The following DPYD variants were observed in gnomAD, a reference collection of about 807,000 sequenced individuals.
The protein encoded by DPYD is dihydropyrimidine dehydrogenase [NADP(+)].
In DPYD, 109 loss-of-function variants were observed where a neutral mutation model predicts 116.2. That is an observed-to-expected ratio of 0.94 (90% confidence interval 0.80 to 1.10). DPYD has a LOEUF of 1.10. Ranked by LOEUF, DPYD falls within the 50% of genes least tolerant of loss-of-function variation. DPYD has a pLI of 0.00. For synonymous variants in DPYD, 440 were observed against 432.0 expected, an observed-to-expected ratio of 1.02 and a Z score of -0.23; for missense variants, 1,302 against 1,254.5, an observed-to-expected ratio of 1.04 and a Z score of -0.57.
chr1:97,408,542 CT>C (rs1208883928), intron 14 of DPYD, among the ~76,000 whole-genome samples: 1 of 152,000 alleles, frequency 6.6e-6, no homozygotes, highest in African/African-American at 2.4e-5. Flanking sequence ...TTATTATTGT[CT>C]TTATTTGGAG....
At position 97,545,979 on chromosome 1, in the gene DPYD, G is replaced by A. The variant is rs975581358; in HGVS notation, c.1524+3581C>T. ...CTTCCTTGAAGATGAAAAATATGAA[G>A]AGGTTATGGCTGTCCTTGGGAGTTT... is the stretch of plus-strand genomic sequence containing the variant. On this transcript the variant is annotated intron_variant, in intron 12 of 22. Transcript: ENST00000370192. 8 of 1,314,418 alleles carry A rather than the reference G, an allele frequency of 6.1e-6. No homozygotes were observed. In the African/African-American group the frequency reaches 1.2e-4, roughly 19 times the overall value. The allele number at this position is 1,314,418 out of a possible 1,614,324, so 81.4% of individuals were successfully genotyped here. A position where few individuals can be genotyped will look rare whatever the true frequency, so the allele number is the denominator to read the frequency against.
intron 16 of DPYD, among the ~76,000 whole-genome samples, chr1:97,309,215 TGTCTAATACACAAAAAC>T (rs1264291105): frequency 6.6e-6 from 1 of 151,796 alleles, no homozygotes; most frequent in Non-Finnish European, 1.5e-5. Context: ...ATCTTAAAAA[TGTCTAATACACAAAAAC>T]GTCTACGTAG....
chr1:97,264,963 T>G (rs1275878797), intron 18 of DPYD, among the ~76,000 whole-genome samples: 1 of 151,532 alleles, frequency 6.6e-6, no homozygotes, highest in Non-Finnish European at 1.5e-5. Context: ...AAGACAAAAC[T>G]TTATAGTTTT....
At chr1:97,395,981 G>A (rs1002934419) in intron 14 of DPYD, among the ~76,000 whole-genome samples, 3 of 152,026 alleles carry the variant, frequency 2.0e-5, no homozygotes, top group African/African-American at 7.2e-5. Context: ...GAACCATGCA[G>A]CATAGCCCAG....
At position 97,547,130 on chromosome 1, in the gene DPYD, A is replaced by G. The variant is rs146595683; in HGVS notation, c.1524+2430T>C. On this transcript the variant is annotated intron_variant, in intron 12 of 22. Coordinates refer to ENST00000370192, the MANE Select transcript of DPYD (RefSeq NM_000110.4). The stretch of plus-strand genomic sequence containing the variant: ...AACTAGGCAGTGGCAGTGCCTTGGT[A>G]CAACCTGAAAAATGTTAAGGCTTAC... Among the ~76,000 whole-genome samples the G allele has an allele frequency of 2.0e-5, 3 of 152,326 alleles. No homozygotes were observed. The East Asian group carries it at 5.8e-4, about 29-fold the overall frequency.
intron 11 of DPYD, among the ~76,000 whole-genome samples, chr1:97,564,507 A>T (rs1488100844): frequency 1.7e-4 from 26 of 152,192 alleles, no homozygotes; most frequent in Admixed American, 1.4e-3. Flanking sequence ...AAAGACAGGA[A>T]GATGATGTGT....
intron 3 of DPYD, among the ~76,000 whole-genome samples, chr1:97,812,027 TA>T (rs1246971017): frequency 1.3e-5 from 2 of 152,192 alleles, no homozygotes; most frequent in Admixed American, 1.3e-4. Flanking sequence ...AGTTATTATA[TA>T]GCTGTGACTA....
At chr1:97,847,713 G>A (rs1432927637) in intron 2 of DPYD, among the ~76,000 whole-genome samples, 1 of 152,056 alleles carries the variant, frequency 6.6e-6, no homozygotes, top group Non-Finnish European at 1.5e-5. Context: ...TAAAATTTCA[G>A]CAAAAACAAC....
At chr1:97,271,206 C>T (rs77087744) in intron 18 of DPYD, among the ~76,000 whole-genome samples, 6,013 of 152,208 alleles carry the variant, frequency 0.04, 152 homozygotes, top group Middle Eastern at 0.1. Flanking sequence ...CACAGCTGAG[C>T]CTGGGGGCAG....
At chr1:97,314,490 C>CTTTTTTTT (rs66629750) in intron 16 of DPYD, among the ~76,000 whole-genome samples, 1 of 123,414 alleles carries the variant, frequency 8.1e-6, no homozygotes. Flanking sequence ...CTAAAGCTTT[C>CTTTTTTTT]TTTTTTTTTT....
intron 20 of DPYD, among the ~76,000 whole-genome samples, chr1:97,159,250 AAG>A (rs1165580722): frequency 6.6e-6 from 1 of 152,096 alleles, no homozygotes; most frequent in Non-Finnish European, 1.5e-5. Context: ...ATGAAGCAAA[AAG>A]AAATTCTAGA....
intron 14 of DPYD, among the ~76,000 whole-genome samples, chr1:97,444,381 C>T (rs942926517): frequency 2.0e-5 from 3 of 152,062 alleles, no homozygotes; most frequent in African/African-American, 7.2e-5. Context: ...TCAGTTTCAT[C>T]ATATGTTAAA....
At chr1:97,789,680 A>C (rs1667216740) in intron 3 of DPYD, among the ~76,000 whole-genome samples, 1 of 152,100 alleles carries the variant, frequency 6.6e-6, no homozygotes. Flanking sequence ...TGCTGGCCTA[A>C]GTTCCTTTGC....
Position 97,193,248 on chromosome 1 carries a change from C to T in DPYD, c.2443G>A (p.Val815Ile), listed in dbSNP as rs780813130. 4.3e-6 allele frequency: 7 copies of T among 1,612,994 alleles called. No homozygotes were observed. The South Asian group carries it at 7.7e-5, about 18-fold the overall frequency. The change falls in exon 20 of 23, where the codon GTA (valine) becomes ATA (isoleucine). Residue 815 changes from valine (V) to isoleucine (I), a missense_variant and splice_region_variant. Val to Ile is a conservative substitution (Grantham distance 29, BLOSUM62 3). Coordinates refer to ENST00000370192, the MANE Select transcript of DPYD (RefSeq NM_000110.4). The stretch of plus-strand genomic sequence containing the variant: ...TCCTGATTCTGAATGGCACTGCATA[C>T]CTAGAAAAGACAGAGCAGTCAACCA... ...FLHSGASVLQ[V>I]CSAIQNQDFT...
chr1:97,577,833 T>A (rs1007459582), intron 10 of DPYD, among the ~76,000 whole-genome samples: 2 of 152,006 alleles, frequency 1.3e-5, no homozygotes, highest in African/African-American at 4.8e-5. Flanking sequence ...TTTATTTTAT[T>A]TTAATTAATT....
At chr1:97,904,499 G>A (rs929188152) in intron 1 of DPYD, among the ~76,000 whole-genome samples, 1 of 151,822 alleles carries the variant, frequency 6.6e-6, no homozygotes, top group Admixed American at 6.6e-5. Context: ...ATGGTATCCT[G>A]CCCACCTCTC....
intron 1 of DPYD, among the ~76,000 whole-genome samples, chr1:97,902,687 T>A (rs552521585): frequency 6.6e-6 from 1 of 151,968 alleles, no homozygotes; most frequent in African/African-American, 2.4e-5. Flanking sequence ...GGTATGTTGC[T>A]ATATAATAAG....
At chr1:97,282,529 G>A (rs6700670) in intron 18 of DPYD, among the ~76,000 whole-genome samples, 1 of 151,860 alleles carries the variant, frequency 6.6e-6, no homozygotes, top group Non-Finnish European at 1.5e-5. Context: ...TGACTAGACA[G>A]AAGCTAATTT....
chr1:97,628,727 A>G (rs1657082924), intron 8 of DPYD, among the ~76,000 whole-genome samples: 1 of 152,130 alleles, frequency 6.6e-6, no homozygotes, highest in Admixed American at 6.6e-5. Flanking sequence ...AAAAGTGGCT[A>G]GAAGAAAAAT....
Sources: allele counts gnomAD v4.1 joint callset (sites outside exome capture counted in the v4.1 genomes callset), GRCh38; gene constraint gnomAD v4.1.1; transcripts MANE v1.5; gene names NCBI Gene and HGNC (gene_info 2026-07-23, HGNC 2026-07-21).